Variants in PRKN observed in about 807,000 individuals in gnomAD.
PRKN encodes E3 ubiquitin-protein ligase parkin.
Under a neutral mutation model 59.5 loss-of-function variants are expected in PRKN, and 56 were observed. That is an observed-to-expected ratio of 0.94 (90% CI 0.76 to 1.18). The LOEUF (loss-of-function observed/expected upper bound fraction) is 1.18. PRKN is among the 50% of genes most tolerant of loss of function. The pLI is 0.00. For synonymous variants in PRKN, 250 were observed against 222.1 expected (o/e 1.13, Z -1.12); for missense variants, 657 against 596.4 (o/e 1.10, Z -1.06).
At chr6:162,511,536 T>C (rs1397219547) in intron 1 of PRKN, among the ~76,000 whole-genome samples, 1 of 152,112 alleles carries the variant, frequency 6.6e-6, no homozygotes, top group Non-Finnish European at 1.5e-5. Flanking sequence ...CTGTAGAAAA[T>C]GTAGATAATT....
chr6:161,411,597 C>T (rs1478083086), intron 9 of PRKN, among the ~76,000 whole-genome samples: 3 of 152,156 alleles, frequency 2.0e-5, no homozygotes, highest in Non-Finnish European at 4.4e-5. Flanking sequence ...TCACTCATTC[C>T]CTTCTCACTC....
intron 3 of PRKN, among the ~76,000 whole-genome samples, chr6:162,209,097 T>C (rs758654516): frequency 9.9e-5 from 15 of 151,936 alleles, no homozygotes; most frequent in Non-Finnish European, 1.9e-4. Flanking sequence ...AATTGACAAA[T>C]GGGATCTCAT....
At chr6:162,447,242 G>C (rs1790362261) in intron 1 of PRKN, among the ~76,000 whole-genome samples, 2 of 152,072 alleles carry the variant, frequency 1.3e-5, no homozygotes, top group Admixed American at 6.6e-5. Context: ...GTAACTAAGG[G>C]AGATTAGATA....
At chr6:162,156,678 T>C (rs945406632) in intron 4 of PRKN, among the ~76,000 whole-genome samples, 2 of 152,190 alleles carry the variant, frequency 1.3e-5, no homozygotes, top group Non-Finnish European at 2.9e-5. Context: ...CTACCTCTCC[T>C]AGTCCACTGA....
chr6:161,898,152 T>C (rs1279635015), intron 6 of PRKN, among the ~76,000 whole-genome samples: 1 of 152,092 alleles, frequency 6.6e-6, no homozygotes, highest in African/African-American at 2.4e-5. Flanking sequence ...ATTGATACTT[T>C]AAGCTGCCTT....
intron 1 of PRKN, among the ~76,000 whole-genome samples, chr6:162,720,335 T>G (rs577024419): frequency 2.3e-4 from 35 of 152,140 alleles, no homozygotes; most frequent in African/African-American, 8.2e-4. Flanking sequence ...ATGTGAAACT[T>G]TATGGGGGCC....
At chr6:162,672,472 A>G (rs1779360211) in intron 1 of PRKN, among the ~76,000 whole-genome samples, 1 of 152,206 alleles carries the variant, frequency 6.6e-6, no homozygotes, top group Non-Finnish European at 1.5e-5. Flanking sequence ...TAACTTTTGT[A>G]CTTTAAAGAA....
chr6:161,464,819 C>G (rs1340815508), intron 9 of PRKN, among the ~76,000 whole-genome samples: 1 of 152,230 alleles, frequency 6.6e-6, no homozygotes, highest in African/African-American at 2.4e-5. Context: ...ACGAATTAGT[C>G]AAATGTCAGG....
At chr6:161,501,920 C>T (rs952179041) in intron 9 of PRKN, among the ~76,000 whole-genome samples, 1 of 152,134 alleles carries the variant, frequency 6.6e-6, no homozygotes, top group East Asian at 1.9e-4. Context: ...TATAACCCTA[C>T]GTTTCTAAGA....
intron 2 of PRKN, among the ~76,000 whole-genome samples, chr6:162,378,005 C>G (rs1353278701): frequency 6.6e-6 from 1 of 152,296 alleles, no homozygotes; most frequent in Middle Eastern, 3.4e-3. Context: ...GTGTGGGCAT[C>G]GTTCACTCCC....
chr6:161,756,664 C>G (rs1399183515), intron 7 of PRKN, among the ~76,000 whole-genome samples: 1 of 151,370 alleles, frequency 6.6e-6, no homozygotes, highest in Non-Finnish European at 1.5e-5. Context: ...AGATTCATGG[C>G]CTGTGTGGGC....
At chr6:162,557,494 GT>G in intron 1 of PRKN, among the ~76,000 whole-genome samples, 1 of 148,370 alleles carries the variant, frequency 6.7e-6, no homozygotes, top group Non-Finnish European at 1.5e-5. Context: ...TGATGGTGGT[GT>G]TTTTTTGTTT....
chr6:162,425,736 G>C (rs1043964099), intron 2 of PRKN, among the ~76,000 whole-genome samples: 5 of 151,906 alleles, frequency 3.3e-5, no homozygotes, highest in Non-Finnish European at 7.4e-5. Flanking sequence ...GGAAGTGAGA[G>C]GTACTGAAAA....
intron 2 of PRKN, among the ~76,000 whole-genome samples, chr6:162,352,012 C>T (rs1266150516): frequency 2.0e-5 from 3 of 152,106 alleles, no homozygotes; most frequent in Non-Finnish European, 4.4e-5. Context: ...CCTCCGGACA[C>T]CAGAGTGCTA....
chr6:162,557,494 G>GT (rs1423674767), intron 1 of PRKN, among the ~76,000 whole-genome samples: 2 of 148,370 alleles, frequency 1.3e-5, no homozygotes, highest in Non-Finnish European at 3.0e-5. Context: ...TGATGGTGGT[G>GT]TTTTTTTGTT....
chr6:162,534,430 C>T (rs1175841622), intron 1 of PRKN, among the ~76,000 whole-genome samples: 4 of 152,068 alleles, frequency 2.6e-5, no homozygotes, highest in Non-Finnish European at 5.9e-5. Context: ...TGCCTCTTTA[C>T]GGTAGTTCTT....
intron 4 of PRKN, among the ~76,000 whole-genome samples, chr6:162,087,589 C>CTTTTTTTTTTTTTTTTTTTT: frequency 9.7e-6 from 1 of 102,692 alleles, no homozygotes; most frequent in Non-Finnish European, 1.8e-5. Context: ...AGAATAATTT[C>CTTTTTTTTTTTTTTTTTTTT]TTTTTTTTTT....
At chr6:162,458,139 C>A (rs1368753817) in intron 1 of PRKN, among the ~76,000 whole-genome samples, 1 of 138,776 alleles carries the variant, frequency 7.2e-6, no homozygotes, top group Non-Finnish European at 1.7e-5. Context: ...CTGTAATCCC[C>A]AGCTACTTAG....
intron 1 of PRKN, among the ~76,000 whole-genome samples, chr6:162,608,354 G>A (rs187150575): frequency 2.6e-5 from 4 of 152,294 alleles, no homozygotes; most frequent in East Asian, 1.9e-4. Context: ...AAGTCAGGAC[G>A]TTAATGTAGG....
Sources: allele counts gnomAD v4.1 joint callset (sites outside exome capture counted in the v4.1 genomes callset), GRCh38; gene constraint gnomAD v4.1.1; transcripts MANE v1.5; gene names NCBI Gene and HGNC (gene_info 2026-07-23, HGNC 2026-07-21).